The following FSTL5 variants were observed in gnomAD, a reference collection of about 807,000 sequenced individuals.
FSTL5 encodes follistatin like 5.
Under a neutral mutation model 89.1 loss-of-function variants are expected in FSTL5, and 62 were observed. The ratio of observed to expected loss-of-function variants is 0.70; its 90% CI spans 0.57 to 0.86. FSTL5 has a LOEUF of 0.86. Among genes scored for constraint, FSTL5 ranks in the 40% least tolerant of loss-of-function variants. The pLI, the probability that FSTL5 is intolerant of heterozygous loss-of-function variation, is 0.00. For synonymous variants in FSTL5, 383 were observed against 346.2 expected (o/e 1.11, Z -1.18); for missense variants, 1,057 against 1,001.6 (o/e 1.06, Z -0.75).
At chr4:161,585,251 A>G (rs1477375035) in intron 8 of FSTL5, among the ~76,000 whole-genome samples, 1 of 152,122 alleles carries the variant, frequency 6.6e-6, no homozygotes, top group Non-Finnish European at 1.5e-5. Context: ...TATGTAAGAA[A>G]CCTACATCAG....
At chr4:161,872,292 T>C (rs1353462162) in intron 4 of FSTL5, among the ~76,000 whole-genome samples, 7 of 152,078 alleles carry the variant, frequency 4.6e-5, no homozygotes, top group Non-Finnish European at 1.0e-4. Flanking sequence ...TTTCAACTGC[T>C]AAACTGATTT....
intron 6 of FSTL5, among the ~76,000 whole-genome samples, chr4:161,695,054 T>G (rs1322234599): frequency 6.6e-6 from 1 of 152,090 alleles, no homozygotes; most frequent in Admixed American, 6.6e-5. Context: ...TTTATTTTAT[T>G]TTTCTTTTTC....
intron 4 of FSTL5, among the ~76,000 whole-genome samples, chr4:161,855,788 C>T (rs954969153): frequency 1.3e-5 from 2 of 152,024 alleles, no homozygotes; most frequent in Non-Finnish European, 2.9e-5. Flanking sequence ...TGGTAAAATA[C>T]CACACGTCAA....
chr4:161,724,906 G>A (rs1739340658), intron 6 of FSTL5, among the ~76,000 whole-genome samples: 1 of 152,116 alleles, frequency 6.6e-6, no homozygotes, highest in Non-Finnish European at 1.5e-5. Flanking sequence ...GAATAATCCT[G>A]AAAATTGGCC....
chr4:161,740,592 T>A (rs1739987649), intron 6 of FSTL5, among the ~76,000 whole-genome samples: 1 of 152,238 alleles, frequency 6.6e-6, no homozygotes. Context: ...ATTTCCATGT[T>A]ATTTATGCTA....
chr4:161,753,835 G>A (rs953477063), intron 6 of FSTL5, among the ~76,000 whole-genome samples: 1 of 151,984 alleles, frequency 6.6e-6, no homozygotes, highest in Non-Finnish European at 1.5e-5. Flanking sequence ...GAGGTCGGGA[G>A]ATCGAGACCG....
chr4:161,710,786 C>A (rs1394777775), intron 6 of FSTL5, among the ~76,000 whole-genome samples: 1 of 152,120 alleles, frequency 6.6e-6, no homozygotes, highest in East Asian at 1.9e-4. Context: ...GAAGTATAAT[C>A]TGATTAATTT....
At chr4:161,779,786 T>C (rs1433066229) in intron 4 of FSTL5, among the ~76,000 whole-genome samples, 13 of 42,724 alleles carry the variant, frequency 3.0e-4, no homozygotes, top group South Asian at 2.8e-3. Context: ...TATATATATA[T>C]ATATATATAT....
At chr4:161,656,577 T>A in intron 6 of FSTL5, 83 bp from the exon 7 acceptor site, 1 of 759,000 alleles carries the variant, frequency 1.3e-6, no homozygotes, top group Non-Finnish European at 1.9e-6. Flanking sequence ...TACTAGTAAT[T>A]AAGGCTTTTA....
rs192792407 is a variant in FSTL5 at position 161,486,547 on chromosome 4, T to C, written c.1459-5378A>G. Among the ~76,000 whole-genome samples the C allele has an allele frequency of 7.9e-5, 12 of 152,336 alleles. No individual in the cohort carries two copies. The East Asian group carries it at 2.1e-3, about 27-fold the overall frequency. On this transcript the variant is annotated intron_variant, in intron 12 of 15. Coordinates refer to ENST00000306100, the MANE Select transcript of FSTL5 (RefSeq NM_020116.5). ...ATAAACATATTTTAGTAGTTTTGCA[T>C]TGTTTTACTTTTATGCTTCTCTACC...
intron 6 of FSTL5, among the ~76,000 whole-genome samples, chr4:161,711,904 T>A (rs898406095): frequency 1.3e-5 from 2 of 152,142 alleles, no homozygotes; most frequent in Non-Finnish European, 2.9e-5. Flanking sequence ...AGATGCCAAA[T>A]AAGCATCTGT....
At chr4:161,876,395 A>G (rs576892810) in intron 4 of FSTL5, among the ~76,000 whole-genome samples, 133 of 152,374 alleles carry the variant, frequency 8.7e-4, no homozygotes, top group Non-Finnish European at 1.5e-3. Flanking sequence ...TCAAGTGATT[A>G]TTAGATTAGC....
intron 7 of FSTL5, among the ~76,000 whole-genome samples, chr4:161,618,233 T>C (rs1289111966): frequency 3.6e-5 from 5 of 137,652 alleles, no homozygotes; most frequent in African/African-American, 8.4e-5. Context: ...GCTGAGACAA[T>C]GGGGTTTTCT....
intron 4 of FSTL5, among the ~76,000 whole-genome samples, chr4:161,859,626 G>A (rs1330194311): frequency 1.3e-5 from 2 of 152,118 alleles, no homozygotes; most frequent in Non-Finnish European, 2.9e-5. Flanking sequence ...TATGTAAAAC[G>A]TAGAGTATTA....
At position 161,920,471 on chromosome 4, in the gene FSTL5, C is replaced by A. The variant is rs1733961214; in HGVS notation, c.342G>T (p.Val114=). ...DGEFYENHCE[V]HRAACLKKQK... is the part of the protein sequence containing the mutation. ...GTTTTTTCAGGCAAGCAGCTCTGTG[C>A]ACTTCACAGTGGTTTTCATAGAATT... The change falls in exon 4 of 16, where the codon GTG becomes GTT. Residue 114 remains valine, a synonymous_variant. Transcript: ENST00000306100. The A allele has an allele frequency of 6.2e-7, 1 of 1,613,858 alleles. No homozygotes were observed. Among genetic ancestry groups the A allele is most frequent in the South Asian group, 1.1e-5 (1 of 91,082 alleles).
chr4:162,112,804 C>CACACACACACAT (rs1228496185), intron 1 of FSTL5, among the ~76,000 whole-genome samples: 2 of 151,318 alleles, frequency 1.3e-5, no homozygotes, highest in Admixed American at 6.6e-5. Flanking sequence ...CACACACACA[C>CACACACACACAT]ACACACACAC....
At chr4:161,656,615 G>C in intron 6 of FSTL5, 121 bp from the exon 7 acceptor site, 1 of 529,984 alleles carries the variant, frequency 1.9e-6, no homozygotes. Context: ...AAAAGCTTGT[G>C]ATGAAATGAA....
At chr4:161,638,587 C>T (rs1175099137) in intron 7 of FSTL5, among the ~76,000 whole-genome samples, 1 of 150,268 alleles carries the variant, frequency 6.7e-6, no homozygotes, top group African/African-American at 2.5e-5. Flanking sequence ...GAACTGGTAC[C>T]ATTCCTTCTG....
chr4:162,069,297 A>C (rs1169378020), intron 2 of FSTL5, among the ~76,000 whole-genome samples: 1 of 151,974 alleles, frequency 6.6e-6, no homozygotes, highest in East Asian at 1.9e-4. Flanking sequence ...TTGGGTATAG[A>C]GTGATAGTTT....
Sources: allele counts gnomAD v4.1 joint callset (sites outside exome capture counted in the v4.1 genomes callset), GRCh38; gene constraint gnomAD v4.1.1; transcripts MANE v1.5; gene names NCBI Gene and HGNC (gene_info 2026-07-23, HGNC 2026-07-21).